TCIRG1: variants seen among roughly 807,000 people sequenced by gnomAD.
TCIRG1 encodes T cell immune regulator 1, ATPase H+ transporting V0 subunit a3.
Under a neutral mutation model 95.5 loss-of-function variants are expected in TCIRG1, and 86 were observed. The ratio of observed to expected loss-of-function variants is 0.90; its 90% confidence interval spans 0.76 to 1.08. The LOEUF (loss-of-function observed/expected upper bound fraction) is 1.08. Ranked by LOEUF, TCIRG1 falls within the 50% of genes least tolerant of loss-of-function variation. The pLI is 0.00. For missense variants in TCIRG1, 1,069 were observed against 1,140.2 expected (o/e 0.94, Z 0.90); for synonymous variants, 499 against 501.3 (o/e 1.00, Z 0.06).
Position 68,043,513 on chromosome 11 carries a change from T to C in TCIRG1, c.630+16T>C. On this transcript the variant is annotated intron_variant, in intron 6 of 19. Transcript: ENST00000265686. ...CCCCGTGACGGTGAGCAGCTGGCGC[T>C]GGGCTGGGGGGTCCTGGGCAGAGCG... The C allele has an allele frequency of 5.1e-6, 8 of 1,580,104 alleles. No homozygotes were observed. Among genetic ancestry groups the C allele is most frequent in the Non-Finnish European group, 6.9e-6 (8 of 1,163,358 alleles).
chr11:68,048,858 C>T (rs765827777), intron 13 of TCIRG1, 21 bp from the exon 14 acceptor site: 2 of 1,570,012 alleles, frequency 1.3e-6, no homozygotes, highest in Non-Finnish European at 1.7e-6. Context: ...TGAGTCCAGC[C>T]CACCCCTGCT....
rs144775787 is a variant in TCIRG1, at chr11:68,050,583, C to T, written c.2333C>T (p.Ala778Val). ...VAAVVLVPIF[A>V]AFAVMTVAIL... ...GCTGTGGTGCTGGTCCCCATCTTTG[C>T]CGCCTTTGCCGTGATGACCGTGGCT... is the stretch of plus-strand genomic sequence containing the variant. The change falls in exon 19 of 20, where the codon GCC becomes GTC. Residue 778 changes from alanine (A) to valine (V), a missense_variant. Transcript: ENST00000265686. 1.1e-4 allele frequency: 175 copies of T among 1,613,520 alleles called. 1 individual carries two copies. The highest frequency in any genetic ancestry group is 1.7e-5 in the Admixed American group (1 of 60,032).
At chr11:68,049,941 C>T (rs374382508) in intron 16 of TCIRG1, 21 bp from the exon 17 acceptor site, 1 of 1,599,926 alleles carries the variant, frequency 6.3e-7, no homozygotes, top group Non-Finnish European at 8.5e-7. Context: ...GTGCTGCCAA[C>T]ACTGCCTGCT....
chr11:68,046,547 A>C (rs1340736239), intron 10 of TCIRG1, among the ~76,000 whole-genome samples: 2 of 152,082 alleles, frequency 1.3e-5, no homozygotes, highest in African/African-American at 2.4e-5. Flanking sequence ...TAATGGCCTT[A>C]TCTTAACCCA....
intron 15 of TCIRG1, 134 bp downstream of exon 15, chr11:68,049,428 A>G (rs990968028): frequency 1.9e-6 from 2 of 1,059,402 alleles, no homozygotes; most frequent in Non-Finnish European, 2.7e-6. Flanking sequence ...CAGGGCCGTC[A>G]GAGGTGATGG....
At chr11:68,048,707 C>T (rs905259996) in intron 13 of TCIRG1, 172 bp from the exon 14 acceptor site, 11 of 705,748 alleles carry the variant, frequency 1.6e-5, no homozygotes, top group Non-Finnish European at 2.6e-5. Flanking sequence ...AGGCTGGCAC[C>T]GTGGCAGCTG....
Position 68,043,647 on chromosome 11 carries a change from CG to C in TCIRG1, c.709del (p.Asp237ThrfsTer42). On this transcript the variant is annotated frameshift_variant, in exon 7 of 20. Coordinates refer to ENST00000265686, the MANE Select transcript of TCIRG1 (RefSeq NM_006019.4). LOFTEE classifies it high-confidence loss of function. ...EQIGQKIRKI[T>X]DCFHCHVFPF... ...ATCGGACAGAAGATCCGCAAGATCACGGACTGGTGAGTCACTGGGAACACCC... is the reference window on the plus strand; with the variant it reads ...ATCGGACAGAAGATCCGCAAGATCACGACTGGTGAGTCACTGGGAACACCC... The C allele has an allele frequency of 6.2e-7, 1 of 1,608,128 alleles. No homozygotes were observed. Among genetic ancestry groups the C allele is most frequent in the Non-Finnish European group, 8.5e-7 (1 of 1,177,596 alleles).
At chr11:68,044,459 T>C (rs1855365096) in intron 9 of TCIRG1, 115 bp downstream of exon 9, 3 of 853,482 alleles carry the variant, frequency 3.5e-6, no homozygotes, top group African/African-American at 3.3e-5. Context: ...TAGGGGCTCC[T>C]TCTCCTCCCA....
downstream of TCIRG1, among the ~76,000 whole-genome samples, chr11:68,051,736 G>T (rs1855804441): frequency 6.6e-6 from 1 of 152,216 alleles, no homozygotes; most frequent in Non-Finnish European, 1.5e-5. Flanking sequence ...ACAGTGCTGG[G>T]GTAGGAGCAG....
downstream of TCIRG1, among the ~76,000 whole-genome samples, chr11:68,051,338 C>T (rs370251119): frequency 6.6e-6 from 1 of 152,198 alleles, no homozygotes; most frequent in African/African-American, 2.4e-5. Context: ...AGAGGCTGTC[C>T]CCAGCAGCAG....
chr11:68,049,565 C>T (rs1035379378), intron 15 of TCIRG1, 98 bp from the exon 16 acceptor site: 9 of 1,496,860 alleles, frequency 6.0e-6, no homozygotes, highest in Middle Eastern at 2.2e-4. Flanking sequence ...GAGGGAGGAG[C>T]GACCGCAGGC....
chr11:68,049,825 G>C, intron 16 of TCIRG1, 37 bp downstream of exon 16: 2 of 1,558,396 alleles, frequency 1.3e-6, no homozygotes, highest in East Asian at 2.3e-5. Context: ...GGCTGCTTGC[G>C]GGGAGAGGCC....
intron 10 of TCIRG1, 69 bp downstream of exon 10, chr11:68,045,171 G>T: frequency 6.3e-7 from 1 of 1,582,668 alleles, no homozygotes; most frequent in Non-Finnish European, 8.6e-7. Context: ...GTGTGAGCCT[G>T]AGGGGGAGGT....
At chr11:68,039,282 T>TC (rs1855049533) in intron 1 of TCIRG1, among the ~76,000 whole-genome samples, 163 bp downstream of exon 1, 1 of 151,900 alleles carries the variant, frequency 6.6e-6, no homozygotes, top group African/African-American at 2.4e-5. Context: ...CCACGGAGGA[T>TC]CCCCAAGGGA....
chr11:68,041,362 G>A lies in TCIRG1; in HGVS notation c.91G>A (p.Glu31Lys), dbSNP rs549532182. 44 of 1,612,940 alleles carry A rather than the reference G, an allele frequency of 2.7e-5. No individual in the cohort carries two copies. Among genetic ancestry groups the A allele is most frequent in the South Asian group, 9.9e-5 (9 of 91,060 alleles). The change falls in exon 2 of 20, where the codon GAG becomes AAG. Residue 31 changes from glutamate to lysine, a missense_variant. Transcript: ENST00000265686. ...AAYTCVSRLG[E>K]LGLVEFRDLN... ...CTACACCTGCGTGAGTCGGCTGGGCGAGCTGGGCCTCGTGGAGTTCAGAGA... is the reference window on the plus strand; with the variant it reads ...CTACACCTGCGTGAGTCGGCTGGGCAAGCTGGGCCTCGTGGAGTTCAGAGA...
chr11:68,040,620 T>C (rs1270377266), intron 1 of TCIRG1, among the ~76,000 whole-genome samples: 1 of 151,868 alleles, frequency 6.6e-6, no homozygotes, highest in African/African-American at 2.4e-5. Flanking sequence ...GGGTTGGAGG[T>C]GGCCTGGCAC....
rs1052401866 is a variant in TCIRG1 at position 68,042,831 on chromosome 11, G to C, written c.385G>C (p.Ala129Pro). ...CCAGCTGCACCAGCTGCAGCTCCACGCCGCCGTGCTACGCCAGGGCCATGA... is the reference window on the plus strand; with the variant it reads ...CCAGCTGCACCAGCTGCAGCTCCACCCCGCCGTGCTACGCCAGGGCCATGA... ...RAQLHQLQLH[A>P]AVLRQGHEPQ... Residue 129 changes from alanine (A) to proline (P), a missense_variant, in exon 4 of 20, where the codon GCC becomes CCC. Transcript: ENST00000265686. 1.9e-6 allele frequency: 3 copies of C among 1,548,854 alleles called. No individual in the cohort carries two copies. The highest frequency in any genetic ancestry group is 1.4e-5 in the African/African-American group (1 of 73,126).
chr11:68,050,928 C>T, downstream of TCIRG1: 1 of 1,287,840 alleles, frequency 7.8e-7, no homozygotes, highest in Non-Finnish European at 1.1e-6. Flanking sequence ...TCCTTTTTAG[C>T]TGAGGCAGGT....
chr11:68,040,780 C>T (rs1402954922), intron 1 of TCIRG1, among the ~76,000 whole-genome samples: 2 of 152,204 alleles, frequency 1.3e-5, no homozygotes, highest in African/African-American at 4.8e-5. Flanking sequence ...CAGCAGTGCT[C>T]CCTGGCTAGC....
Sources: gnomAD v4.1 joint callset for allele counts (sites outside exome capture counted in the v4.1 genomes callset) on GRCh38, gnomAD v4.1.1 for gene constraint, MANE v1.5 for transcripts, NCBI Gene and HGNC (gene_info 2026-07-23, HGNC 2026-07-21) for gene names.